MDGA2: variants seen among roughly 807,000 people sequenced by gnomAD.
The protein encoded by MDGA2 is MAM domain containing glycosylphosphatidylinositol anchor 2.
In MDGA2, 40 loss-of-function variants were observed where a neutral mutation model predicts 117.8. The ratio of observed to expected loss-of-function variants is 0.34; its 90% CI spans 0.26 to 0.44. The LOEUF (loss-of-function observed/expected upper bound fraction) is 0.44. MDGA2 is among the 20% of genes least tolerant of loss of function. The pLI, the probability that MDGA2 is intolerant of heterozygous loss-of-function variation, is 1.00. For missense variants in MDGA2, 1,123 were observed against 1,250.6 expected (o/e 0.90, Z 1.54); for synonymous variants, 452 against 439.0 (o/e 1.03, Z -0.37).
At chr14:47,283,402 T>A (rs1247670666) in intron 2 of MDGA2, among the ~76,000 whole-genome samples, 2 of 152,238 alleles carry the variant, frequency 1.3e-5, no homozygotes, top group African/African-American at 4.8e-5. Flanking sequence ...CAATAAAATT[T>A]AAAATTTTAA....
chr14:47,175,083 C>T (rs1010164509), intron 3 of MDGA2, among the ~76,000 whole-genome samples: 5 of 151,696 alleles, frequency 3.3e-5, no homozygotes, highest in African/African-American at 4.9e-5. Context: ...CATACACCCA[C>T]CCAAGACTAA....
chr14:47,028,859 A>G (rs954798540), intron 8 of MDGA2, among the ~76,000 whole-genome samples: 1 of 152,152 alleles, frequency 6.6e-6, no homozygotes, highest in African/African-American at 2.4e-5. Context: ...TAAATTAAAA[A>G]TTCATTCATT....
intron 1 of MDGA2, among the ~76,000 whole-genome samples, chr14:47,556,503 A>G (rs1157391796): frequency 6.6e-6 from 1 of 152,216 alleles, no homozygotes; most frequent in Non-Finnish European, 1.5e-5. Context: ...GATTACAGCC[A>G]GAAGTAAACT....
At chr14:46,957,789 G>C in intron 8 of MDGA2, 146 bp from the exon 9 acceptor site, 4 of 891,052 alleles carry the variant, frequency 4.5e-6, no homozygotes, top group East Asian at 2.6e-5. Flanking sequence ...TTTAAGCCCA[G>C]AAATTTTAGC....
intron 1 of MDGA2, among the ~76,000 whole-genome samples, chr14:47,422,388 C>A (rs762004696): frequency 6.3e-4 from 96 of 152,178 alleles, no homozygotes; most frequent in Non-Finnish European, 3.4e-4. Context: ...CCTCTCTTGA[C>A]CCCCTCCTGC....
chr14:47,017,941 G>T (rs1888141332), intron 8 of MDGA2, among the ~76,000 whole-genome samples: 1 of 151,964 alleles, frequency 6.6e-6, no homozygotes. Flanking sequence ...AATATTTCTG[G>T]TATTTATTGC....
intron 2 of MDGA2, among the ~76,000 whole-genome samples, chr14:47,229,915 T>C (rs1206173168): frequency 6.6e-6 from 1 of 152,030 alleles, no homozygotes; most frequent in Non-Finnish European, 1.5e-5. Flanking sequence ...TTCCCTGATG[T>C]AAATTTGGCA....
At chr14:47,296,150 A>C (rs1889066892) in intron 2 of MDGA2, among the ~76,000 whole-genome samples, 1 of 152,172 alleles carries the variant, frequency 6.6e-6, no homozygotes, top group Admixed American at 6.5e-5. Context: ...AGAAAAAGAC[A>C]AAGAGAACAC....
chr14:47,468,706 A>C (rs1893655084), intron 1 of MDGA2, among the ~76,000 whole-genome samples: 1 of 152,134 alleles, frequency 6.6e-6, no homozygotes, highest in Admixed American at 6.6e-5. Flanking sequence ...ATTAAAATCA[A>C]GCTTAAACCA....
At chr14:47,058,705 A>G (rs1889770525) in intron 7 of MDGA2, 1 of 985,346 alleles carries the variant, frequency 1.0e-6, no homozygotes, top group South Asian at 4.7e-5. Context: ...ATTCCACTCT[A>G]TTGTAAGCAA....
intron 1 of MDGA2, among the ~76,000 whole-genome samples, chr14:47,328,064 CAG>C (rs1353890568): frequency 1.3e-5 from 2 of 152,086 alleles, no homozygotes; most frequent in Non-Finnish European, 2.9e-5. Flanking sequence ...GAGAAACAAA[CAG>C]AAACACTGTT....
chr14:46,911,261 CT>C (rs1422815101), intron 10 of MDGA2, among the ~76,000 whole-genome samples: 1 of 152,142 alleles, frequency 6.6e-6, no homozygotes, highest in African/African-American at 2.4e-5. Context: ...AACTTGAAGT[CT>C]GATAAAGCAA....
At chr14:47,461,155 G>T (rs1893474734) in intron 1 of MDGA2, among the ~76,000 whole-genome samples, 1 of 151,960 alleles carries the variant, frequency 6.6e-6, no homozygotes, top group Non-Finnish European at 1.5e-5. Flanking sequence ...ATAGGACCAG[G>T]GAGGCTAGAC....
At chr14:47,447,063 TTC>T (rs1433194241) in intron 1 of MDGA2, among the ~76,000 whole-genome samples, 2 of 152,178 alleles carry the variant, frequency 1.3e-5, no homozygotes, top group Non-Finnish European at 2.9e-5. Flanking sequence ...CATGGACTCA[TTC>T]TTCCTTAACC....
At chr14:46,990,065 A>G (rs1182736149) in intron 8 of MDGA2, among the ~76,000 whole-genome samples, 1 of 152,162 alleles carries the variant, frequency 6.6e-6, no homozygotes, top group African/African-American at 2.4e-5. Context: ...CATAGGTTCA[A>G]ATCCAGACTT....
intron 6 of MDGA2, among the ~76,000 whole-genome samples, chr14:47,063,511 A>G (rs545307735): frequency 1.1e-4 from 16 of 152,082 alleles, no homozygotes; most frequent in African/African-American, 3.9e-4. Context: ...TTGGTATATA[A>G]TAATTGTGCT....
chr14:46,983,758 T>C (rs1290537069), intron 8 of MDGA2, among the ~76,000 whole-genome samples: 1 of 152,112 alleles, frequency 6.6e-6, no homozygotes, highest in Non-Finnish European at 1.5e-5. Context: ...AACTTTTCAC[T>C]AACATATTTC....
intron 1 of MDGA2, among the ~76,000 whole-genome samples, chr14:47,534,912 T>C (rs1223543251): frequency 1.3e-5 from 2 of 152,204 alleles, no homozygotes; most frequent in East Asian, 3.9e-4. Context: ...CAGATCCGTT[T>C]GGACACAGCT....
chr14:47,271,293 T>C (rs1888135755), intron 2 of MDGA2, among the ~76,000 whole-genome samples: 1 of 152,188 alleles, frequency 6.6e-6, no homozygotes. Context: ...CTAATGCAAT[T>C]CTGTCCTATT....
Sources: gnomAD v4.1 joint callset for allele counts (sites outside exome capture counted in the v4.1 genomes callset) on GRCh38, gnomAD v4.1.1 for gene constraint, MANE v1.5 for transcripts, NCBI Gene and HGNC (gene_info 2026-07-23, HGNC 2026-07-21) for gene names.